EPB41L3: variants seen among roughly 807,000 people sequenced by gnomAD.
EPB41L3 encodes the protein band 4.1-like protein 3.
EPB41L3 carries 57 observed loss-of-function variants against 127.1 expected under a neutral mutation model. The observed-to-expected ratio is 0.45, with a 90% CI of 0.36 to 0.56. The LOEUF is 0.56. Among genes scored for constraint, EPB41L3 ranks in the 20% least tolerant of loss-of-function variants. EPB41L3 has a pLI of 0.00. For missense variants in EPB41L3, 1,273 were observed against 1,372.2 expected (o/e 0.93, Z 1.14); for synonymous variants, 572 against 549.5 (o/e 1.04, Z -0.57).
intron 1 of EPB41L3, among the ~76,000 whole-genome samples, chr18:5,507,630 T>C (rs1484382583): frequency 6.6e-6 from 1 of 152,238 alleles, no homozygotes; most frequent in Non-Finnish European, 1.5e-5. Flanking sequence ...AGCATTAATA[T>C]AGCACAACAC....
chr18:5,603,712 A>G (rs908047722), intron 3 of EPB41L3, among the ~76,000 whole-genome samples: 1 of 151,940 alleles, frequency 6.6e-6, no homozygotes, highest in African/African-American at 2.4e-5. Context: ...GTAAGACCCT[A>G]TATCTATAAA....
At chr18:5,507,009 G>A (rs2092252404) in intron 1 of EPB41L3, among the ~76,000 whole-genome samples, 1 of 152,150 alleles carries the variant, frequency 6.6e-6, no homozygotes, top group Non-Finnish European at 1.5e-5. Context: ...AGACAGACAT[G>A]GGCTAGAATT....
intron 3 of EPB41L3, among the ~76,000 whole-genome samples, chr18:5,600,546 A>G (rs2143779959): frequency 6.6e-6 from 1 of 152,294 alleles, no homozygotes; most frequent in South Asian, 2.1e-4. Flanking sequence ...TTACATCCAT[A>G]TTATTTTTTA....
At chr18:5,460,775 C>A (rs1185400918) in intron 3 of EPB41L3, among the ~76,000 whole-genome samples, 1 of 152,186 alleles carries the variant, frequency 6.6e-6, no homozygotes, top group African/African-American at 2.4e-5. Flanking sequence ...CGGGTTGAGG[C>A]TTCCTCCTCT....
chr18:5,492,191 T>C (rs1406550965), intron 1 of EPB41L3, among the ~76,000 whole-genome samples: 1 of 152,008 alleles, frequency 6.6e-6, no homozygotes, highest in Non-Finnish European at 1.5e-5. Flanking sequence ...GTGGTGGTGC[T>C]TGCCTGTAAT....
At position 5,410,577 on chromosome 18, in the gene EPB41L3, T is replaced by C. The variant is rs751092742; in HGVS notation, c.2110A>G (p.Thr704Ala). The change falls in exon 14 of 23, where the codon ACT becomes GCT. Residue 704 changes from threonine (T) to alanine (A), a missense_variant. By Grantham distance (58) the Thr-to-Ala change is moderately conservative (BLOSUM62 0). Around this residue, in one of 3 missense-constraint regions of EPB41L3, gnomAD observed 765 missense variants for 782.9 expected, o/e 0.98. Coordinates refer to ENST00000341928, the MANE Select transcript of EPB41L3 (RefSeq NM_012307.5). ...GCCAAAATACCAACCTCAGTGGCAG[T>C]GGTCTCCCCGTCGGCTGCGGTGTCC... Reference protein sequence around the residue: ...RTDTAADGETTATESDQEEDA... With the variant: ...RTDTAADGETAATESDQEEDA... 2 of 1,613,372 alleles carry C rather than the reference T, an allele frequency of 1.2e-6. No individual in the cohort carries two copies. Among genetic ancestry groups the C allele is most frequent in the Non-Finnish European group, 1.7e-6 (2 of 1,179,606 alleles).
upstream of EPB41L3, among the ~76,000 whole-genome samples, chr18:5,629,486 C>T (rs931441161): frequency 7.9e-5 from 12 of 151,954 alleles, no homozygotes; most frequent in Non-Finnish European, 1.5e-4. Flanking sequence ...AGCCGGAATG[C>T]GGAGGTCAGA....
intron 3 of EPB41L3, chr18:5,570,200 A>G (rs2094259191): frequency 6.6e-6 from 1 of 151,984 alleles, no homozygotes; most frequent in African/African-American, 2.4e-5. Flanking sequence ...ATCCTCTGTC[A>G]CCCCTCAAAT....
intron 22 of EPB41L3, chr18:5,394,103 A>G (rs1440628779): frequency 2.0e-5 from 3 of 152,908 alleles, no homozygotes; most frequent in Admixed American, 6.5e-5. Flanking sequence ...CATCCCAAAG[A>G]ATACAGGAAA....
intron 3 of EPB41L3, among the ~76,000 whole-genome samples, chr18:5,573,473 T>C (rs2094304541): frequency 6.6e-6 from 1 of 152,188 alleles, no homozygotes; most frequent in East Asian, 1.9e-4. Flanking sequence ...TAACTATAAA[T>C]ATGGACTCTT....
chr18:5,474,599 GA>G (rs1273725994), intron 3 of EPB41L3, among the ~76,000 whole-genome samples: 3 of 151,862 alleles, frequency 2.0e-5, no homozygotes, highest in Non-Finnish European at 4.4e-5. Context: ...ATGCCATGGA[GA>G]AAAACATCAC....
intron 3 of EPB41L3, among the ~76,000 whole-genome samples, chr18:5,455,997 C>G (rs1356982423): frequency 6.6e-6 from 1 of 152,018 alleles, no homozygotes; most frequent in Admixed American, 6.6e-5. Flanking sequence ...TGAGAATTTT[C>G]CTGTGAGAGG....
chr18:5,490,539 G>A (rs867564797), intron 1 of EPB41L3, among the ~76,000 whole-genome samples: 1 of 152,086 alleles, frequency 6.6e-6, no homozygotes, highest in African/African-American at 2.4e-5. Flanking sequence ...TATTCTTTCT[G>A]TTGAATAAAA....
chr18:5,575,787 A>T (rs770819688), intron 3 of EPB41L3, among the ~76,000 whole-genome samples: 53 of 152,310 alleles, frequency 3.5e-4, no homozygotes, highest in Non-Finnish European at 6.6e-4. Context: ...CAGTGAGCCA[A>T]CATGGTGCCA....
intron 13 of EPB41L3, among the ~76,000 whole-genome samples, chr18:5,413,873 G>A (rs1392648689): frequency 2.0e-5 from 3 of 152,184 alleles, no homozygotes; most frequent in South Asian, 2.1e-4. Context: ...CCAATCACAC[G>A]TTCGCTAGCT....
chr18:5,596,865 AT>A (rs2143691018), intron 3 of EPB41L3, among the ~76,000 whole-genome samples: 1 of 152,270 alleles, frequency 6.6e-6, no homozygotes, highest in South Asian at 2.1e-4. Flanking sequence ...TTTTAAATAT[AT>A]TTTAAAAATT....
intron 3 of EPB41L3, among the ~76,000 whole-genome samples, chr18:5,586,375 T>C (rs1400866631): frequency 6.6e-6 from 1 of 150,544 alleles, no homozygotes; most frequent in Non-Finnish European, 1.5e-5. Context: ...AAGCAATGTA[T>C]TATACTGTGA....
chr18:5,525,876 T>C (rs73937152), intron 1 of EPB41L3, among the ~76,000 whole-genome samples: 2,436 of 152,244 alleles, frequency 0.016, 71 homozygotes, highest in African/African-American at 0.056. Context: ...CAGGAACCCT[T>C]GTACTTCCAT....
chr18:5,462,848 T>G (rs1458424546), intron 3 of EPB41L3, among the ~76,000 whole-genome samples: 1 of 152,234 alleles, frequency 6.6e-6, no homozygotes, highest in Non-Finnish European at 1.5e-5. Flanking sequence ...TATACCCAGT[T>G]GCAATAGTAG....
Sources: gnomAD v4.1 joint callset for allele counts (sites outside exome capture counted in the v4.1 genomes callset) on GRCh38, gnomAD v4.1.1 for gene constraint, gnomAD v4.1.1 regional missense constraint, MANE v1.5 for transcripts, NCBI Gene and HGNC (gene_info 2026-07-23, HGNC 2026-07-21) for gene names.